MTA3: variants seen among roughly 807,000 people sequenced by gnomAD.
The protein encoded by MTA3 is metastasis-associated protein MTA3.
A neutral mutation model predicts 83.5 loss-of-function variants in MTA3; 34 were observed. That is an observed-to-expected ratio of 0.41 (90% confidence interval 0.31 to 0.54). The LOEUF is 0.54. Among genes scored for constraint, MTA3 ranks in the 20% least tolerant of loss-of-function variants. The probability of loss-of-function intolerance (pLI) is 0.33; values close to 1 mark genes in which losing one functional copy is unlikely to be tolerated. For synonymous variants in MTA3, 303 were observed against 252.7 expected, an observed-to-expected ratio of 1.20 and a Z score of -1.89; for missense variants, 761 against 726.4, an observed-to-expected ratio of 1.05 and a Z score of -0.55.
At chr2:42,615,016 C>T (rs1158282167) in intron 4 of MTA3, among the ~76,000 whole-genome samples, 1 of 150,364 alleles carries the variant, frequency 6.7e-6, no homozygotes, top group East Asian at 1.9e-4. Flanking sequence ...CTAGGCTGGG[C>T]ACGGTGACTC....
intron 4 of MTA3, among the ~76,000 whole-genome samples, chr2:42,634,499 G>A (rs113275062): frequency 0.018 from 2,703 of 152,144 alleles, 69 homozygotes; most frequent in African/African-American, 0.06. Context: ...GTATAAAACC[G>A]TCAGATCATG....
At chr2:42,716,227 G>C (rs1667019903) in intron 14 of MTA3, among the ~76,000 whole-genome samples, 1 of 152,140 alleles carries the variant, frequency 6.6e-6, no homozygotes, top group African/African-American at 2.4e-5. Context: ...GTCAGTGGTT[G>C]CATAATAATT....
intron 2 of MTA3, among the ~76,000 whole-genome samples, chr2:42,542,312 T>C (rs1676556081): frequency 6.6e-6 from 1 of 152,196 alleles, no homozygotes; most frequent in African/African-American, 2.4e-5. Flanking sequence ...ATGCAAGTCG[T>C]GGGCTTTCTG....
chr2:42,611,270 ACTGTGCCCAG>A (rs1320353525), intron 4 of MTA3, among the ~76,000 whole-genome samples: 2 of 151,972 alleles, frequency 1.3e-5, no homozygotes, highest in Admixed American at 1.3e-4. Context: ...GGTGTGAGCC[ACTGTGCCCAG>A]CTGAGGTTTG....
chr2:42,523,630 T>G (rs1211396252), intron 2 of MTA3, among the ~76,000 whole-genome samples: 2 of 152,152 alleles, frequency 1.3e-5, no homozygotes, highest in Non-Finnish European at 2.9e-5. Context: ...CAGTAACTTA[T>G]GGCTGGGTGC....
intron 4 of MTA3, among the ~76,000 whole-genome samples, chr2:42,614,376 C>T (rs1018334238): frequency 1.3e-5 from 2 of 152,176 alleles, no homozygotes; most frequent in African/African-American, 2.4e-5. Flanking sequence ...GGATTACAGG[C>T]GTGAGCCACT....
chr2:42,495,119 A>G (rs1471891688), intron 1 of MTA3: 3 of 152,670 alleles, frequency 2.0e-5, no homozygotes, highest in African/African-American at 7.2e-5. Flanking sequence ...GGCTGGTTAA[A>G]GGGAAGAGTT....
chr2:42,534,945 C>T (rs1234292325), intron 2 of MTA3, among the ~76,000 whole-genome samples: 1 of 152,018 alleles, frequency 6.6e-6, no homozygotes, highest in Non-Finnish European at 1.5e-5. Context: ...TTCTAACAGC[C>T]TTCTTGGACC....
chr2:42,603,896 G>A (rs1209803917), intron 3 of MTA3, among the ~76,000 whole-genome samples: 4 of 151,960 alleles, frequency 2.6e-5, no homozygotes, highest in African/African-American at 7.3e-5. Context: ...GACTACAGGC[G>A]CCCACCATCT....
intron 8 of MTA3, 39 bp downstream of exon 8, chr2:42,659,901 C>A: frequency 6.7e-7 from 1 of 1,486,294 alleles, no homozygotes; most frequent in Non-Finnish European, 9.1e-7. Flanking sequence ...ATTTATCCTT[C>A]TGTTACTTGT....
At chr2:42,645,507 A>G (rs1050341250) in intron 6 of MTA3, among the ~76,000 whole-genome samples, 1 of 149,328 alleles carries the variant, frequency 6.7e-6, no homozygotes, top group Non-Finnish European at 1.5e-5. Flanking sequence ...CTTGGGCAAC[A>G]GAGTGAGACT....
Position 42,579,220 on chromosome 2 carries a change from T to C in MTA3, c.190+20T>C. On this transcript the variant is annotated intron_variant, in intron 3 of 16. Transcript: ENST00000405094. ...ATGCTAGTAAGTTGTTTTTCTCTGA[T>C]TAAAAAAACGTTTTAAGTCTTGTGT... 1 of 1,535,360 alleles carries C rather than the reference T, an allele frequency of 6.5e-7. No homozygotes were observed. The highest frequency in any genetic ancestry group is 8.8e-7 in the Non-Finnish European group (1 of 1,137,880).
intron 2 of MTA3, among the ~76,000 whole-genome samples, chr2:42,550,557 G>A (rs1677062887): frequency 6.6e-6 from 1 of 152,158 alleles, no homozygotes; most frequent in Non-Finnish European, 1.5e-5. Flanking sequence ...TTAGGCCAAG[G>A]AAAGCTCACG....
intron 3 of MTA3, among the ~76,000 whole-genome samples, chr2:42,605,846 C>G (rs1683261907): frequency 7.5e-6 from 1 of 132,748 alleles, no homozygotes; most frequent in Non-Finnish European, 1.6e-5. Context: ...GAGGGCTGAC[C>G]CCCCCACCTC....
intron 4 of MTA3, among the ~76,000 whole-genome samples, chr2:42,610,611 ATAT>A (rs1684072348): frequency 6.6e-6 from 1 of 152,172 alleles, no homozygotes; most frequent in African/African-American, 2.4e-5. Flanking sequence ...CAAATTTAAG[ATAT>A]TGTTGAGCTT....
chr2:42,636,500 C>T (rs1349597759), intron 4 of MTA3, among the ~76,000 whole-genome samples: 1 of 152,032 alleles, frequency 6.6e-6, no homozygotes, highest in African/African-American at 2.4e-5. Flanking sequence ...TGTGATTATG[C>T]CGCTGCACTC....
At chr2:42,647,155 TA>T (rs1553373420) in intron 6 of MTA3, among the ~76,000 whole-genome samples, 11 of 92,038 alleles carry the variant, frequency 1.2e-4, no homozygotes, top group Non-Finnish European at 9.8e-5. Flanking sequence ...AGACTCTGTC[TA>T]AAAAAAAAAA....
intron 3 of MTA3, among the ~76,000 whole-genome samples, chr2:42,594,951 C>T (rs990848657): frequency 6.8e-6 from 1 of 147,604 alleles, no homozygotes; most frequent in Non-Finnish European, 1.5e-5. Flanking sequence ...GATGGGGTTT[C>T]ACCGTGTTAA....
chr2:42,633,559 A>G (rs1285379868), intron 4 of MTA3, among the ~76,000 whole-genome samples: 1 of 152,020 alleles, frequency 6.6e-6, no homozygotes, highest in African/African-American at 2.4e-5. Context: ...GACCTGGGTG[A>G]CAGAGCGAGA....
Sources: gnomAD v4.1 joint callset for allele counts (sites outside exome capture counted in the v4.1 genomes callset) on GRCh38, gnomAD v4.1.1 for gene constraint, MANE v1.5 for transcripts, NCBI Gene and HGNC (gene_info 2026-07-23, HGNC 2026-07-21) for gene names.